Variants in ZNF347 observed in about 807,000 individuals in gnomAD.
ZNF347 encodes the protein zinc finger protein 347, also known as CTD-2620I22.7.
A neutral mutation model predicts 12.9 loss-of-function variants in ZNF347; 19 were observed. The ratio of observed to expected loss-of-function variants is 1.47; its 90% CI spans 1.03 to 2.16. The LOEUF (loss-of-function observed/expected upper bound fraction) is 2.16. Among genes scored for constraint, ZNF347 ranks in the 30% most tolerant of loss-of-function variants. The probability of loss-of-function intolerance (pLI) is 0.00; values close to 1 mark genes in which losing one functional copy is unlikely to be tolerated. For missense variants in ZNF347, 1,005 were observed against 990.6 expected (o/e 1.01, Z -0.19); for synonymous variants, 328 against 340.6 (o/e 0.96, Z 0.41).
At position 53,141,429 on chromosome 19, in the gene ZNF347, T is replaced by C; in HGVS notation, c.1399A>G (p.Arg467Gly). 1.2e-6 allele frequency: 2 copies of C among 1,613,958 alleles called. No individual in the cohort carries two copies. Among genetic ancestry groups the C allele is most frequent in the Middle Eastern group, 3.3e-4 (2 of 6,062 alleles). ...TGCCTTGCAAGGTGTGAATTACGCCTAAAGACCTTGCCGCATTCATGACAT... is the reference window on the plus strand; with the variant it reads ...TGCCTTGCAAGGTGTGAATTACGCCCAAAGACCTTGCCGCATTCATGACAT... ...YKCHECGKVF[R>G]RNSHLARHQL... is the part of the protein sequence containing the mutation. Residue 467 changes from arginine (R) to glycine (G), a missense_variant, in exon 5 of 5, where the codon AGG becomes GGG. Physicochemically the swap from Arg to Gly is moderately radical, Grantham distance 125 (BLOSUM62 -2). Coordinates refer to ENST00000334197, the MANE Select transcript of ZNF347 (RefSeq NM_032584.3).
At chr19:53,155,777 G>A (rs186936685) in intron 1 of ZNF347, among the ~76,000 whole-genome samples, 1 of 152,292 alleles carries the variant, frequency 6.6e-6, no homozygotes, top group African/African-American at 2.4e-5. Context: ...GAGACTGTGA[G>A]TGAGGCTGGT....
chr19:53,154,233 G>A (rs1372458846), intron 1 of ZNF347, among the ~76,000 whole-genome samples: 1 of 152,022 alleles, frequency 6.6e-6, no homozygotes, highest in African/African-American at 2.4e-5. Flanking sequence ...TATAATCCTA[G>A]CACTTTGGGA....
Position 53,141,061 on chromosome 19 carries a change from T to G in ZNF347, c.1767A>C (p.Gly589=). 1 of 1,613,016 alleles carries G rather than the reference T, an allele frequency of 6.2e-7. No individual in the cohort carries two copies. Among genetic ancestry groups the G allele is most frequent in the South Asian group, 1.1e-5 (1 of 91,016 alleles). The stretch of plus-strand genomic sequence containing the variant: ...TATAAGGTTTCTCTCCAGTATGAAT[T>G]CCCCGATGTCTTGCAAGGTGTGAAT... ...TQNSHLARHR[G]IHTGEKPYKC... is the part of the protein sequence containing the mutation. The change falls in exon 5 of 5, where the codon GGA becomes GGC. Residue 589 remains glycine (G), a synonymous_variant. Coordinates refer to ENST00000334197, the MANE Select transcript of ZNF347 (RefSeq NM_032584.3).
At chr19:53,146,211 G>T (rs2090462367) in intron 4 of ZNF347, among the ~76,000 whole-genome samples, 1 of 152,044 alleles carries the variant, frequency 6.6e-6, no homozygotes, top group African/African-American at 2.4e-5. Context: ...CCAACCTCAG[G>T]TGGTCCACCC....
chr19:53,158,322 C>A (rs1047494621), intron 1 of ZNF347, among the ~76,000 whole-genome samples: 50 of 152,272 alleles, frequency 3.3e-4, no homozygotes, highest in African/African-American at 1.2e-3. Context: ...ATGCCAGGAC[C>A]AGGCAGAGGA....
At chr19:53,146,476 T>C (rs941069390) in intron 4 of ZNF347, among the ~76,000 whole-genome samples, 1 of 152,070 alleles carries the variant, frequency 6.6e-6, no homozygotes, top group Admixed American at 6.6e-5. Flanking sequence ...GGTCTCTTTC[T>C]ATGTTGCCCA....
At chr19:53,158,005 C>T (rs554703739) in intron 1 of ZNF347, among the ~76,000 whole-genome samples, 1 of 152,326 alleles carries the variant, frequency 6.6e-6, no homozygotes, top group South Asian at 2.1e-4. Flanking sequence ...TCACTCTTTC[C>T]TCTCAGTTTT....
At chr19:53,143,334 G>A (rs930844291) in intron 4 of ZNF347, among the ~76,000 whole-genome samples, 6 of 150,522 alleles carry the variant, frequency 4.0e-5, no homozygotes, top group Admixed American at 1.3e-4. Context: ...CCATTAACTC[G>A]TCATTTAACA....
rs2090383946 is a variant in ZNF347 at position 53,135,449 on chromosome 19, T to C, written c.*4859A>G. Reference sequence around the variant, plus strand: ...GTGCAATGGTGGGAACTCGGCTAACTGCAACATCCGCCTCCCAGGCTCAAG... The same window carrying C: ...GTGCAATGGTGGGAACTCGGCTAACCGCAACATCCGCCTCCCAGGCTCAAG... On this transcript the variant is annotated 3_prime_UTR_variant, in exon 5 of 5. Coordinates refer to ENST00000334197, the MANE Select transcript of ZNF347 (RefSeq NM_032584.3). 1 of 151,088 alleles carries C rather than the reference T, an allele frequency of 6.6e-6. No individual in the cohort carries two copies. Among genetic ancestry groups the C allele is most frequent in the Non-Finnish European group, 1.5e-5 (1 of 67,864 alleles). 9.4% of individuals were successfully genotyped at this position (151,088 alleles called of 1,614,324 possible).
rs1356175746 is a variant in ZNF347, at chr19:53,142,399, AT to A, written c.428del (p.Tyr143PhefsTer15). The A allele has an allele frequency of 6.2e-7, 1 of 1,614,082 alleles. No homozygotes were observed. Among genetic ancestry groups the A allele is most frequent in the Non-Finnish European group, 8.5e-7 (1 of 1,180,000 alleles). On this transcript the variant is annotated frameshift_variant, in exon 5 of 5. Coordinates refer to ENST00000334197, the MANE Select transcript of ZNF347 (RefSeq NM_032584.3). LOFTEE classifies it low-confidence loss of function (END_TRUNC). ...EVQKNTHGLE[Y>X]QCRDAEGNYK... The stretch of plus-strand genomic sequence containing the variant: ...AATTTCCTTCAGCATCTCTGCATTG[AT>A]ACTCAAGGCCATGTGTATTTTTCTG...
rs1263139282 is a variant in ZNF347 at position 53,149,308 on chromosome 19, C to T, written c.75G>A (p.Leu25=). The change falls in exon 3 of 5, where the codon CTG becomes CTA. Residue 25 remains leucine, a synonymous_variant. Coordinates refer to ENST00000334197, the MANE Select transcript of ZNF347 (RefSeq NM_032584.3). ...TGTACAAAGTCCTCTGAGCGGGGTC[C>T]AGGCATGTCCACTCCTCCTGAGAGA... The part of the protein sequence containing the change: ...IEFSQEEWTC[L]DPAQRTLYRD... The T allele has an allele frequency of 6.2e-7, 1 of 1,614,018 alleles. No individual in the cohort carries two copies. Among genetic ancestry groups the T allele is most frequent in the South Asian group, 1.1e-5 (1 of 91,072 alleles).
At chr19:53,155,294 CTGTGTGTGTG>C (rs61275588) in intron 1 of ZNF347, among the ~76,000 whole-genome samples, 2,289 of 141,906 alleles carry the variant, frequency 0.016, 54 homozygotes, top group African/African-American at 0.054. Context: ...AGACTTTATT[CTGTGTGTGTG>C]TGTGTGTGTG....
At chr19:53,152,696 C>T (rs919422542) in intron 2 of ZNF347, among the ~76,000 whole-genome samples, 40 of 151,780 alleles carry the variant, frequency 2.6e-4, no homozygotes, top group African/African-American at 8.0e-4. Flanking sequence ...TTTGGGAGGC[C>T]GAGGCAGGTG....
chr19:53,137,804 A>C lies in ZNF347; in HGVS notation c.*2504T>G, dbSNP rs2090395238. 6.6e-6 allele frequency: 1 copy of C among 152,084 alleles called. No individual in the cohort carries two copies. The allele number at this position is 152,084 out of a possible 1,614,324, so 9.4% of individuals were successfully genotyped here. On this transcript the variant is annotated 3_prime_UTR_variant, in exon 5 of 5. Transcript: ENST00000334197. ...GTTATTCTGCACTATTTATAATTTC[A>C]TAATTTTTTTTTTTGAGACGGAGTC...
At position 53,142,046 on chromosome 19, in the gene ZNF347, T is replaced by A; in HGVS notation, c.782A>T (p.Tyr261Phe). Residue 261 changes from tyrosine (Y) to phenylalanine (F), a missense_variant, in exon 5 of 5, where the codon TAC (tyrosine) becomes TTC (phenylalanine). Transcript: ENST00000334197. ...GACCATGCCACATCCATTAGATTTG[T>A]AAGGGCTTCCCCAATTATTTGCTTT... The part of the protein sequence containing the change: ...GQKANNWGSP[Y>F]KSNGCGMVFP... 1 of 1,613,968 alleles carries A rather than the reference T, an allele frequency of 6.2e-7. No homozygotes were observed. The highest frequency in any genetic ancestry group is 8.5e-7 in the Non-Finnish European group (1 of 1,179,968).
At chr19:53,152,616 C>A (rs927102271) in intron 2 of ZNF347, among the ~76,000 whole-genome samples, 1 of 149,478 alleles carries the variant, frequency 6.7e-6, no homozygotes, top group Non-Finnish European at 1.5e-5. Flanking sequence ...TAAATAAATA[C>A]AATAAATAGA....
rs186970955 is a variant in ZNF347 at position 53,143,707 on chromosome 19, T to G, written c.272-1151A>C. On this transcript the variant is annotated intron_variant, in intron 4 of 4. Coordinates refer to ENST00000334197, the MANE Select transcript of ZNF347 (RefSeq NM_032584.3). ...AAACATACGTGTGCATGTGTCTTTA[T>G]AGCAGCATGATTTATAATCCTTTGG... Among the ~76,000 whole-genome samples the G allele has an allele frequency of 1.7e-4, 26 of 152,256 alleles. No individual in the cohort carries two copies. The East Asian group carries it at 3.9e-3, about 23-fold the overall frequency.
At position 53,142,177 on chromosome 19, in the gene ZNF347, AT is replaced by A. The variant is rs1248026011; in HGVS notation, c.650del (p.Asn217IlefsTer88). 3.1e-6 allele frequency: 5 copies of A among 1,613,886 alleles called. No individual in the cohort carries two copies. Among genetic ancestry groups the A allele is most frequent in the Non-Finnish European group, 4.2e-6 (5 of 1,179,984 alleles). The stretch of plus-strand genomic sequence containing the variant: ...TTTGTTGAGGTGGTGAAACTGAGGA[AT>A]TATTGTTGAAAGACTTCTCAACCTG... ...CNQVEKSFNN[N>X]SSVSPPQQMP... On this transcript the variant is annotated frameshift_variant, in exon 5 of 5. Coordinates refer to ENST00000334197, the MANE Select transcript of ZNF347 (RefSeq NM_032584.3). LOFTEE classifies it low-confidence loss of function (END_TRUNC).
rs2090396820 is a variant in ZNF347 at position 53,138,059 on chromosome 19, G to T, written c.*2249C>A. 1 of 152,024 alleles carries T rather than the reference G, an allele frequency of 6.6e-6. No individual in the cohort carries two copies. Among genetic ancestry groups the T allele is most frequent in the African/African-American group, 2.4e-5 (1 of 41,374 alleles). 9.4% of individuals were successfully genotyped at this position (152,024 alleles called of 1,614,324 possible). ...TCTGACCCCATGATCCACCCGCCTT[G>T]GCCTCCCTAAGTGCTGGGATTACAG... On this transcript the variant is annotated 3_prime_UTR_variant, in exon 5 of 5. Coordinates refer to ENST00000334197, the MANE Select transcript of ZNF347 (RefSeq NM_032584.3).
Sources: gnomAD v4.1 joint callset for allele counts (sites outside exome capture counted in the v4.1 genomes callset) on GRCh38, gnomAD v4.1.1 for gene constraint, MANE v1.5 for transcripts, NCBI Gene and HGNC (gene_info 2026-07-23, HGNC 2026-07-21) for gene names.